The following BICD1 variants were observed in gnomAD, a reference collection of about 807,000 sequenced individuals.
BICD1 encodes the protein BICD cargo adaptor 1.
BICD1 carries 35 observed loss-of-function variants against 92.5 expected under a neutral mutation model. The observed-to-expected ratio is 0.38, with a 90% confidence interval of 0.29 to 0.50. The LOEUF (loss-of-function observed/expected upper bound fraction) is 0.50, where lower values mean the gene tolerates loss of function less well. BICD1 is among the 20% of genes least tolerant of loss of function. The pLI is 0.93. For missense variants in BICD1, 950 were observed against 1,189.8 expected (o/e 0.80, Z 2.97); for synonymous variants, 429 against 465.1 (o/e 0.92, Z 1.00).
At chr12:32,123,427 A>G (rs1349808164) in intron 1 of BICD1, among the ~76,000 whole-genome samples, 2 of 152,252 alleles carry the variant, frequency 1.3e-5, no homozygotes, top group African/African-American at 2.4e-5. Flanking sequence ...TTCAAGCACG[A>G]CTAAGACCCC....
At chr12:32,248,763 A>C (rs1453511805) in intron 2 of BICD1, among the ~76,000 whole-genome samples, 1 of 152,124 alleles carries the variant, frequency 6.6e-6, no homozygotes, top group African/African-American at 2.4e-5. Context: ...GAGGGTGAGT[A>C]GAGTAGAATT....
At chr12:32,273,055 G>A (rs1947184221) in intron 2 of BICD1, among the ~76,000 whole-genome samples, 1 of 152,136 alleles carries the variant, frequency 6.6e-6, no homozygotes, top group Non-Finnish European at 1.5e-5. Flanking sequence ...TCTTAGGAAG[G>A]CAAAAACTTT....
chr12:32,256,982 A>G (rs1297540882), intron 2 of BICD1, among the ~76,000 whole-genome samples: 1 of 152,202 alleles, frequency 6.6e-6, no homozygotes, highest in African/African-American at 2.4e-5. Flanking sequence ...TGAGAGGCCA[A>G]GGCGGGCGGA....
chr12:32,317,739 G>T (rs989274747), intron 4 of BICD1, among the ~76,000 whole-genome samples: 3 of 151,994 alleles, frequency 2.0e-5, no homozygotes, highest in South Asian at 2.1e-4. Flanking sequence ...GTCAATTTTG[G>T]CTTTTGTTGC....
chr12:32,135,386 C>CTTTTT (rs71064999), intron 1 of BICD1, among the ~76,000 whole-genome samples: 1 of 44,834 alleles, frequency 2.2e-5, no homozygotes, highest in African/African-American at 1.0e-4. Flanking sequence ...CCATGCGTGG[C>CTTTTT]TTTTTTTTTT....
chr12:32,129,727 G>A (rs1258228815), intron 1 of BICD1, among the ~76,000 whole-genome samples: 1 of 151,828 alleles, frequency 6.6e-6, no homozygotes, highest in Non-Finnish European at 1.5e-5. Context: ...TCTTAACCCT[G>A]TACCCTTTTC....
chr12:32,216,208 T>C (rs1945356481), intron 1 of BICD1, 39 bp from the exon 2 acceptor site: 3 of 1,594,402 alleles, frequency 1.9e-6, no homozygotes, highest in African/African-American at 1.3e-5. Flanking sequence ...TTATGATGCA[T>C]TTCATTGTGT....
chr12:32,267,406 C>T (rs1947027372), intron 2 of BICD1, among the ~76,000 whole-genome samples: 1 of 152,178 alleles, frequency 6.6e-6, no homozygotes, highest in Non-Finnish European at 1.5e-5. Flanking sequence ...GTATCCCTAG[C>T]ACTTATAATA....
intron 1 of BICD1, among the ~76,000 whole-genome samples, chr12:32,192,453 A>AATAG (rs66461342): frequency 0.3 from 45,272 of 148,546 alleles, 7,681 homozygotes; most frequent in Admixed American, 0.45. Context: ...TAAATAAATA[A>AATAG]ATAGATAGAT....
At chr12:32,108,905 T>A (rs933464365) in intron 1 of BICD1, 1 of 464,432 alleles carries the variant, frequency 2.2e-6, no homozygotes, top group African/African-American at 2.0e-5. Flanking sequence ...ATTTTCCAAC[T>A]TAGATTAGGC....
At chr12:32,147,475 T>C (rs1565546980) in intron 1 of BICD1, among the ~76,000 whole-genome samples, 1 of 146,852 alleles carries the variant, frequency 6.8e-6, no homozygotes, top group Non-Finnish European at 1.5e-5. Flanking sequence ...TCTTGTTAGT[T>C]ACGATTTACT....
intron 8 of BICD1, among the ~76,000 whole-genome samples, chr12:32,365,802 G>C (rs1206134836): frequency 2.0e-5 from 3 of 152,150 alleles, no homozygotes; most frequent in African/African-American, 7.2e-5. Context: ...AAAGACAAAA[G>C]AATGCATTCC....
rs1236210679 is a variant in BICD1, at chr12:32,214,425, A to G, written c.214-1822A>G. On this transcript the variant is annotated intron_variant, in intron 1 of 9. Transcript: ENST00000652176. Reference sequence around the variant, plus strand: ...TCTCTCTCCCTCTCTCTCCATATCTATATGCCTATGACTATCTACCTATTA... The same window carrying G: ...TCTCTCTCCCTCTCTCTCCATATCTGTATGCCTATGACTATCTACCTATTA... Among the ~76,000 whole-genome samples the G allele has an allele frequency of 2.6e-5, 4 of 152,124 alleles. No individual in the cohort carries two copies. In the East Asian group the frequency reaches 7.7e-4, roughly 29 times the overall value.
At chr12:32,229,107 C>T (rs757552208) in intron 2 of BICD1, among the ~76,000 whole-genome samples, 7 of 152,014 alleles carry the variant, frequency 4.6e-5, no homozygotes, top group Admixed American at 1.3e-4. Flanking sequence ...AAAAATTAGC[C>T]GGGCGTGGTG....
intron 2 of BICD1, among the ~76,000 whole-genome samples, chr12:32,219,765 T>C (rs994626552): frequency 1.3e-5 from 2 of 152,234 alleles, no homozygotes; most frequent in African/African-American, 4.8e-5. Context: ...CATCTAATTC[T>C]CACTTTTAAA....
intron 3 of BICD1, 76 bp downstream of exon 3, chr12:32,294,222 T>C (rs1048190050): frequency 1.5e-6 from 2 of 1,345,532 alleles, no homozygotes; most frequent in South Asian, 1.4e-5. Context: ...ATCTCCAAAC[T>C]TGTCAGAATT....
At chr12:32,317,427 C>T (rs368304795) in intron 4 of BICD1, among the ~76,000 whole-genome samples, 7 of 152,062 alleles carry the variant, frequency 4.6e-5, no homozygotes, top group South Asian at 4.2e-4. Context: ...TATCTCATTG[C>T]GGTTTTGATT....
chr12:32,187,023 G>A (rs965156852), intron 1 of BICD1, among the ~76,000 whole-genome samples: 9 of 152,088 alleles, frequency 5.9e-5, no homozygotes, highest in African/African-American at 1.4e-4. Context: ...TCTGGATCTC[G>A]GTTTCTTCTA....
Position 32,305,826 on chromosome 12 carries a change from A to G in BICD1, c.709A>G (p.Thr237Ala). 6.2e-7 allele frequency: 1 copy of G among 1,614,226 alleles called. No homozygotes were observed. The highest frequency in any genetic ancestry group is 1.1e-5 in the South Asian group (1 of 91,088). The change falls in exon 4 of 10, where the codon ACT (threonine) becomes GCT (alanine). Residue 237 changes from threonine to alanine, a missense_variant. By Grantham distance (58) the Thr-to-Ala change is moderately conservative. This residue lies in a region of BICD1 where 246 missense variants were observed against 258.4 expected (regional missense o/e 0.95). Transcript: ENST00000652176. ...AEHQLEEALE[T>A]LKNEREQKNN... ...GCACCAACTGGAAGAAGCCCTCGAG[A>G]CTTTAAAAAATGAAAGAGAGCAAAA...
Sources: allele counts gnomAD v4.1 joint callset (sites outside exome capture counted in the v4.1 genomes callset), GRCh38; gene constraint gnomAD v4.1.1; regional missense constraint gnomAD v4.1.1; transcripts MANE v1.5; gene names NCBI Gene and HGNC (gene_info 2026-07-23, HGNC 2026-07-21).